PARD3: variants seen among roughly 807,000 people sequenced by gnomAD.
The protein encoded by PARD3 is par-3 family cell polarity regulator, also known as partitioning defective 3 homolog.
A neutral mutation model predicts 155.4 loss-of-function variants in PARD3; 75 were observed. The ratio of observed to expected loss-of-function variants is 0.48; its 90% CI spans 0.40 to 0.58. PARD3 has a LOEUF of 0.58. Among genes scored for constraint, PARD3 ranks in the 20% least tolerant of loss-of-function variants. The pLI, the probability that PARD3 is intolerant of heterozygous loss-of-function variation, is 0.00. For synonymous variants in PARD3, 576 were observed against 610.5 expected, an observed-to-expected ratio of 0.94 and a Z score of 0.83; for missense variants, 1,642 against 1,721.7, an observed-to-expected ratio of 0.95 and a Z score of 0.82.
chr10:34,136,023 C>T (rs183442750), intron 22 of PARD3, among the ~76,000 whole-genome samples: 28 of 152,296 alleles, frequency 1.8e-4, no homozygotes, highest in African/African-American at 6.7e-4. Flanking sequence ...TGTTCACTTA[C>T]TTTACTTTTG....
At chr10:34,756,834 G>A (rs1250126110) in intron 1 of PARD3, among the ~76,000 whole-genome samples, 2 of 152,172 alleles carry the variant, frequency 1.3e-5, no homozygotes, top group African/African-American at 4.8e-5. Flanking sequence ...AGTTCCTGGT[G>A]AACAGGCTGA....
At chr10:34,380,779 G>A (rs973343563) in intron 9 of PARD3, among the ~76,000 whole-genome samples, 2 of 151,964 alleles carry the variant, frequency 1.3e-5, no homozygotes, top group African/African-American at 4.8e-5. Flanking sequence ...AGTGTAAAAA[G>A]GAAAAGATAT....
rs1950430388 is a variant in PARD3 at position 34,185,146 on chromosome 10, ATTTTG to A, written c.3420-53568_3420-53564del. ...CTTTTAGGGCCTAGACCCCTGGTTTATTTTGTTATGTAGATTGGATGAGCTATTAA... is the reference window on the plus strand; with the variant it reads ...CTTTTAGGGCCTAGACCCCTGGTTTATTATGTAGATTGGATGAGCTATTAA... On this transcript the variant is annotated intron_variant, in intron 22 of 24. Coordinates refer to ENST00000374788, the MANE Select transcript of PARD3 (RefSeq NM_001184785.2). 2.0e-5 allele frequency among the ~76,000 whole-genome samples: 3 copies of A among 152,160 alleles called. No individual in the cohort carries two copies. The South Asian group carries it at 6.2e-4, about 31-fold the overall frequency.
intron 19 of PARD3, among the ~76,000 whole-genome samples, chr10:34,324,730 C>T (rs1958580441): frequency 6.6e-6 from 1 of 152,128 alleles, no homozygotes; most frequent in African/African-American, 2.4e-5. Context: ...ATGATGATTC[C>T]AAGTTTCTGA....
chr10:34,768,274 G>C (rs1446456842), intron 1 of PARD3, among the ~76,000 whole-genome samples: 1 of 151,440 alleles, frequency 6.6e-6, no homozygotes, highest in Non-Finnish European at 1.5e-5. Context: ...AGCACAACTT[G>C]GTTTTATACA....
At chr10:34,666,403 A>C (rs974226803) in intron 2 of PARD3, among the ~76,000 whole-genome samples, 1 of 152,146 alleles carries the variant, frequency 6.6e-6, no homozygotes, top group Non-Finnish European at 1.5e-5. Flanking sequence ...AATGTCTGAG[A>C]ATCTCAAGTT....
At chr10:34,701,328 C>T (rs1401632457) in intron 1 of PARD3, among the ~76,000 whole-genome samples, 4 of 103,054 alleles carry the variant, frequency 3.9e-5, no homozygotes, top group African/African-American at 1.0e-4. Flanking sequence ...ACAATACACG[C>T]GGGGATGTTG....
intron 2 of PARD3, among the ~76,000 whole-genome samples, chr10:34,523,010 T>C (rs1375016523): frequency 2.0e-5 from 3 of 152,332 alleles, no homozygotes; most frequent in East Asian, 3.9e-4. Context: ...CGTTTTTGAT[T>C]AATCAAACGT....
intron 2 of PARD3, among the ~76,000 whole-genome samples, chr10:34,568,160 T>G (rs2086109207): frequency 6.6e-6 from 1 of 152,198 alleles, no homozygotes; most frequent in African/African-American, 2.4e-5. Flanking sequence ...GAAAAGGGAA[T>G]GAGTTTTAGG....
Position 34,371,503 on chromosome 10 carries a change from A to C in PARD3, c.1707+995T>G, listed in dbSNP as rs868328798. 8.2e-3 allele frequency among the ~76,000 whole-genome samples: 706 copies of C among 86,566 alleles called. 77 individuals carry two copies. The highest frequency in any genetic ancestry group is 0.044 in the African/African-American group (671 of 15,254). 56.8% of individuals were successfully genotyped at this position (86,566 alleles called of 152,430 possible). A position where few individuals can be genotyped will look rare whatever the true frequency, so the allele number is the denominator to read the frequency against. ...TCTAGACTCAAAAAAAAAAAAAAAA[A>C]AAAAAAAAAAAAAAAAAAAAAAAAA... On this transcript the variant is annotated intron_variant, in intron 12 of 24. Coordinates refer to ENST00000374788, the MANE Select transcript of PARD3 (RefSeq NM_001184785.2).
chr10:34,279,845 A>G (rs1411970987), intron 21 of PARD3, among the ~76,000 whole-genome samples: 7 of 152,200 alleles, frequency 4.6e-5, no homozygotes, highest in Admixed American at 4.6e-4. Flanking sequence ...TGAATAATGG[A>G]AAGTTTCAGA....
chr10:34,149,030 T>C (rs1948655707), intron 22 of PARD3, among the ~76,000 whole-genome samples: 1 of 152,196 alleles, frequency 6.6e-6, no homozygotes, highest in South Asian at 2.1e-4. Flanking sequence ...ATGCTGTCAA[T>C]TAAAATGCCA....
intron 2 of PARD3, among the ~76,000 whole-genome samples, chr10:34,556,007 G>A (rs1327318985): frequency 1.3e-5 from 2 of 152,166 alleles, no homozygotes; most frequent in Non-Finnish European, 2.9e-5. Context: ...CTAGAACTAT[G>A]ATAAAGAAAA....
intron 5 of PARD3, among the ~76,000 whole-genome samples, chr10:34,438,788 A>G (rs1335355546): frequency 6.6e-6 from 1 of 152,232 alleles, no homozygotes; most frequent in Non-Finnish European, 1.5e-5. Context: ...GCAAAGAGAC[A>G]ATAACAGAAG....
At chr10:34,622,753 G>T (rs56819007) in intron 2 of PARD3, among the ~76,000 whole-genome samples, 1 of 151,192 alleles carries the variant, frequency 6.6e-6, no homozygotes, top group South Asian at 2.1e-4. Flanking sequence ...ATCTAAGGCC[G>T]AACAGTAATA....
chr10:34,343,821 CTAAGT>C lies in PARD3; in HGVS notation c.2219-2010_2219-2006del, dbSNP rs1348353778. The C allele has an allele frequency of 5.1e-6, 5 of 978,330 alleles. No homozygotes were observed. The East Asian group carries it at 4.6e-4, about 89-fold the overall frequency. 60.6% of individuals were successfully genotyped at this position (978,330 alleles called of 1,614,324 possible). A position where few individuals can be genotyped will look rare whatever the true frequency, so the allele number is the denominator to read the frequency against. On this transcript the variant is annotated intron_variant, in intron 15 of 24. Transcript: ENST00000374788. The stretch of plus-strand genomic sequence containing the variant: ...AACTAGTTAACTAGTGACCTACAAA[CTAAGT>C]AAACTAGTCAGTATCTTGTAGAGGA...
At chr10:34,298,507 T>C (rs898776436) in intron 20 of PARD3, among the ~76,000 whole-genome samples, 2 of 152,128 alleles carry the variant, frequency 1.3e-5, no homozygotes, top group Non-Finnish European at 2.9e-5. Flanking sequence ...AGAAGATAAA[T>C]ACCGATTCGG....
chr10:34,499,373 C>T (rs2080515288), intron 3 of PARD3, among the ~76,000 whole-genome samples: 2 of 152,040 alleles, frequency 1.3e-5, no homozygotes, highest in African/African-American at 2.4e-5. Context: ...CCATTTTCTA[C>T]GATGATAGAC....
intron 20 of PARD3, chr10:34,312,412 G>A (rs1400876363): frequency 1.2e-6 from 2 of 1,610,684 alleles, no homozygotes; most frequent in South Asian, 2.2e-5. Context: ...CAGACACACA[G>A]TTAGTACAGG....
Sources: gnomAD v4.1 joint callset for allele counts (sites outside exome capture counted in the v4.1 genomes callset) on GRCh38, gnomAD v4.1.1 for gene constraint, MANE v1.5 for transcripts, NCBI Gene and HGNC (gene_info 2026-07-23, HGNC 2026-07-21) for gene names.